The following GART variants were observed in gnomAD, a reference collection of about 807,000 sequenced individuals.
GART encodes trifunctional purine biosynthetic protein adenosine-3.
GART carries 43 observed loss-of-function variants against 107.2 expected under a neutral mutation model. The observed-to-expected ratio is 0.40, with a 90% CI of 0.31 to 0.52. GART has a LOEUF of 0.52. Among genes scored for constraint, GART ranks in the 20% least tolerant of loss-of-function variants. The pLI is 0.52. For missense variants in GART, 1,107 were observed against 1,206.5 expected, an observed-to-expected ratio of 0.92 and a Z score of 1.22; for synonymous variants, 434 against 427.0, an observed-to-expected ratio of 1.02 and a Z score of -0.20.
intron 11 of GART, among the ~76,000 whole-genome samples, chr21:33,523,214 G>C (rs1015995862): frequency 6.6e-6 from 1 of 152,128 alleles, no homozygotes; most frequent in African/African-American, 2.4e-5. Flanking sequence ...TGTTTTTATA[G>C]AAGTGTCTTT....
At chr21:33,525,868 CCT>C (rs2085063796) in intron 10 of GART, among the ~76,000 whole-genome samples, 1 of 148,804 alleles carries the variant, frequency 6.7e-6, no homozygotes, top group Non-Finnish European at 1.5e-5. Flanking sequence ...AAGGGAACTT[CCT>C]TTTTTTTTTT....
At chr21:33,506,140 A>T in intron 18 of GART, 36 bp from the exon 19 acceptor site, 1 of 1,572,636 alleles carries the variant, frequency 6.4e-7, no homozygotes, top group Non-Finnish European at 8.6e-7. Flanking sequence ...AGCTCATACT[A>T]CTACTTCTTT....
chr21:33,528,755 GT>G (rs2085124308), intron 8 of GART, 94 bp downstream of exon 8: 2 of 839,236 alleles, frequency 2.4e-6, no homozygotes, highest in South Asian at 1.9e-5. Flanking sequence ...TTAAAAAGTG[GT>G]AAAAAAAAAA....
intron 16 of GART, among the ~76,000 whole-genome samples, chr21:33,514,176 G>C (rs1357428585): frequency 6.6e-6 from 1 of 152,086 alleles, no homozygotes; most frequent in Non-Finnish European, 1.5e-5. Flanking sequence ...GCTGAGGTCG[G>C]AGAATCACTT....
At position 33,504,101 on chromosome 21, in the gene GART, C is replaced by T. The variant is rs1489778013; in HGVS notation, c.*23G>A. The T allele has an allele frequency of 6.3e-7, 1 of 1,575,376 alleles. No homozygotes were observed. Among genetic ancestry groups the T allele is most frequent in the Non-Finnish European group, 8.6e-7 (1 of 1,157,792 alleles). ...CAGCAAATAATTCTTTCTAAACTGG[C>T]CCCATTTCTGAATTAAAAGGCTTCA... is the stretch of plus-strand genomic sequence containing the variant. On this transcript the variant is annotated 3_prime_UTR_variant, in exon 22 of 22. Transcript: ENST00000381815.
At chr21:33,518,847 T>C (rs1481852372) in intron 14 of GART, 6 of 535,652 alleles carry the variant, frequency 1.1e-5, no homozygotes, top group African/African-American at 9.5e-5. Flanking sequence ...TTTAAGATGC[T>C]GGTAGCATTT....
At chr21:33,539,068 C>G (rs1373651273) in intron 2 of GART, 103 bp downstream of exon 2, 4 of 1,162,178 alleles carry the variant, frequency 3.4e-6, no homozygotes, top group Non-Finnish European at 4.8e-6. Flanking sequence ...GCATTAGCCA[C>G]TGTGCCCAGC....
intron 4 of GART, among the ~76,000 whole-genome samples, chr21:33,533,955 C>A (rs941966925): frequency 1.2e-4 from 18 of 151,996 alleles, no homozygotes; most frequent in African/African-American, 3.9e-4. Context: ...AAAAACATGG[C>A]TGTGAAGAGC....
intron 10 of GART, among the ~76,000 whole-genome samples, chr21:33,527,128 T>C (rs1451423091): frequency 6.6e-6 from 1 of 152,190 alleles, no homozygotes; most frequent in Non-Finnish European, 1.5e-5. Flanking sequence ...TCAAAAGGAA[T>C]CAATTCTTAA....
intron 13 of GART, 165 bp from the exon 14 acceptor site, chr21:33,520,727 C>T (rs1447018312): frequency 3.5e-5 from 25 of 706,658 alleles, no homozygotes; most frequent in Admixed American, 2.1e-4. Flanking sequence ...ACCCTTCCAT[C>T]CAAATATAAT....
intron 6 of GART, 118 bp downstream of exon 6, chr21:33,531,371 C>T: frequency 2.4e-6 from 2 of 835,562 alleles, no homozygotes; most frequent in Non-Finnish European, 3.9e-6. Context: ...TCCTTTGTAA[C>T]TGCTGGGTTT....
In GART at chr21:33,517,576, G is replaced by C. The variant is rs1465301930; in HGVS notation, c.1735C>G (p.Pro579Ala). ...GETAEMPDMY[P>A]PGEYDLAGFA... The stretch of plus-strand genomic sequence containing the variant: ...CCAGCTAGGTCATACTCTCCAGGGG[G>C]ATACATGTCAGGCATTTCTGCTGTT... The change falls in exon 15 of 22, where the codon CCC becomes GCC. Residue 579 changes from proline to alanine, a missense_variant. Coordinates refer to ENST00000381815, the MANE Select transcript of GART (RefSeq NM_000819.5). 1.9e-6 allele frequency: 3 copies of C among 1,614,078 alleles called. No individual in the cohort carries two copies. Among genetic ancestry groups the C allele is most frequent in the Non-Finnish European group, 2.5e-6 (3 of 1,180,020 alleles).
chr21:33,513,505 G>T, intron 16 of GART, among the ~76,000 whole-genome samples: 1 of 152,134 alleles, frequency 6.6e-6, no homozygotes, highest in East Asian at 1.9e-4. Context: ...GGGAGGTGGA[G>T]GTTGCAGTGA....
chr21:33,528,222 A>T lies in GART; in HGVS notation c.1011T>A (p.Val337=). 1 of 1,614,054 alleles carries T rather than the reference A, an allele frequency of 6.2e-7. No homozygotes were observed. Among genetic ancestry groups the T allele is most frequent in the Non-Finnish European group, 8.5e-7 (1 of 1,179,980 alleles). ...CAGGATAACCTTTACTTGCCATGACAACAGTTAGGGCGGTGTGGTTTTCTA... is the reference window on the plus strand; with the variant it reads ...CAGGATAACCTTTACTTGCCATGACTACAGTTAGGGCGGTGTGGTTTTCTA... ...VWLENHTALT[V]VMASKGYPGD... Residue 337 remains valine, a synonymous_variant, in exon 10 of 22, where the codon GTT becomes GTA. Transcript: ENST00000381815.
Position 33,509,882 on chromosome 21 carries a change from T to C in GART, c.2353A>G (p.Met785Val), listed in dbSNP as rs779081334. 4 of 1,613,632 alleles carry C rather than the reference T, an allele frequency of 2.5e-6. No individual in the cohort carries two copies. The highest frequency in any genetic ancestry group is 3.4e-6 in the Non-Finnish European group (4 of 1,179,830). The change falls in exon 18 of 22, where the codon ATG (methionine) becomes GTG (valine). Residue 785 changes from methionine (M) to valine (V), a missense_variant. Transcript: ENST00000381815. Reference sequence around the variant, plus strand: ...TTCAACACTGACCCATTTATTTGCATGCTTTCAATCAGATTCTTGACTTTC... The same window carrying C: ...TTCAACACTGACCCATTTATTTGCACGCTTTCAATCAGATTCTTGACTTTC... ...RVKVKNLIES[M>V]QINGSVLKNG...
chr21:33,524,711 ATAGCCATTTAGGCCAG>A (rs1239692095), intron 11 of GART, 42 bp downstream of exon 11: 25 of 1,609,662 alleles, frequency 1.6e-5, no homozygotes, highest in Admixed American at 5.0e-5. Flanking sequence ...AATGTTCTAC[ATAGCCATTTAGGCCAG>A]TTTCTGAAAT....
intron 16 of GART, among the ~76,000 whole-genome samples, chr21:33,515,652 C>CAAAAAAAAAAAAAA (rs71194850): frequency 2.5e-4 from 9 of 35,822 alleles, no homozygotes; most frequent in Admixed American, 3.6e-4. Context: ...GACTCCAACT[C>CAAAAAAAAAAAAAA]AAAAAAAAAA....
intron 19 of GART, 99 bp downstream of exon 19, chr21:33,505,875 G>A (rs554108239): frequency 4.6e-5 from 70 of 1,515,226 alleles, no homozygotes; most frequent in African/African-American, 2.1e-4. Context: ...CCAAAATGGC[G>A]AAGTCCCAAG....
In GART at chr21:33,534,704, T is replaced by G. The variant is rs1330558460; in HGVS notation, c.291A>C (p.Thr97=). 1 of 1,611,844 alleles carries G rather than the reference T, an allele frequency of 6.2e-7. No individual in the cohort carries two copies. Among genetic ancestry groups the G allele is most frequent in the Admixed American group, 1.7e-5 (1 of 59,504 alleles). ...RSAGVQCFGP[T]AEAAQLESSK... is the part of the protein sequence containing the mutation. Reference sequence around the variant, plus strand: ...TGGACTCTAACTGAGCCGCTTCTGCTGTTGGGCCAAAGCATTGCACTCCTG... The same window carrying G: ...TGGACTCTAACTGAGCCGCTTCTGCGGTTGGGCCAAAGCATTGCACTCCTG... The change falls in exon 4 of 22, where the codon ACA becomes ACC. Residue 97 remains threonine, a synonymous_variant. Transcript: ENST00000381815.
Sources: allele counts gnomAD v4.1 joint callset (sites outside exome capture counted in the v4.1 genomes callset), GRCh38; gene constraint gnomAD v4.1.1; transcripts MANE v1.5; gene names NCBI Gene and HGNC (gene_info 2026-07-23, HGNC 2026-07-21).